The following FOXP1 variants were observed in gnomAD, a reference collection of about 807,000 sequenced individuals.
FOXP1 encodes forkhead box protein P1.
A neutral mutation model predicts 98.2 loss-of-function variants in FOXP1; 15 were observed. The observed-to-expected ratio is 0.15, with a 90% CI of 0.10 to 0.24. The LOEUF (loss-of-function observed/expected upper bound fraction) is 0.24, where lower values mean the gene tolerates loss of function less well. Ranked by LOEUF, FOXP1 falls within the 10% of genes least tolerant of loss-of-function variation. FOXP1 has a pLI of 1.00. For synonymous variants in FOXP1, 371 were observed against 314.5 expected, an observed-to-expected ratio of 1.18 and a Z score of -1.90; for missense variants, 633 against 848.5, an observed-to-expected ratio of 0.75 and a Z score of 3.15.
chr3:71,355,728 T>C (rs974320768), intron 4 of FOXP1, among the ~76,000 whole-genome samples: 3 of 152,160 alleles, frequency 2.0e-5, no homozygotes, highest in South Asian at 4.1e-4. Context: ...AGTACTACTA[T>C]AGGCTGGGGT....
chr3:70,972,216 CA>C, intron 18 of FOXP1: 1 of 1,489,940 alleles, frequency 6.7e-7, no homozygotes, highest in Admixed American at 2.4e-5. Context: ...GATGGAGTGG[CA>C]ACAAAAGGAG....
intron 2 of FOXP1, among the ~76,000 whole-genome samples, chr3:71,502,252 G>C (rs1046109157): frequency 3.3e-5 from 5 of 152,216 alleles, no homozygotes; most frequent in African/African-American, 1.2e-4. Context: ...CCTGCTAGCA[G>C]GGCAAGTGGC....
At chr3:71,325,523 G>A (rs983975004) in intron 4 of FOXP1, among the ~76,000 whole-genome samples, 16 of 152,070 alleles carry the variant, frequency 1.1e-4, no homozygotes, top group Admixed American at 9.8e-4. Flanking sequence ...TAAGAAAGAA[G>A]TCCTCTGAAG....
Position 70,955,528 on chromosome 3 carries a change from A to T in FOXP1, c.*3719T>A. The T allele has an allele frequency of 4.3e-6, 1 of 233,010 alleles. No homozygotes were observed. Among genetic ancestry groups the T allele is most frequent in the Admixed American group, 5.6e-5 (1 of 17,788 alleles). The allele number at this position is 233,010 out of a possible 1,614,324, so 14.4% of individuals were successfully genotyped here. On this transcript the variant is annotated 3_prime_UTR_variant, in exon 21 of 21. Coordinates refer to ENST00000649528, the MANE Select transcript of FOXP1 (RefSeq NM_001349338.3). ...CTAATGTATGCTTTTCTTTGAGAAAAAAAAAGTAACAGATTTTCTTTACAT... is the reference window on the plus strand; with the variant it reads ...CTAATGTATGCTTTTCTTTGAGAAATAAAAAGTAACAGATTTTCTTTACAT...
intron 14 of FOXP1, among the ~76,000 whole-genome samples, chr3:70,983,246 C>G (rs1033975350): frequency 1.3e-4 from 19 of 151,004 alleles, no homozygotes; most frequent in Admixed American, 1.1e-3. Context: ...GGCAGGGATA[C>G]TAAAAGCAAA....
At chr3:71,418,762 C>T (rs1019295690) in intron 3 of FOXP1, among the ~76,000 whole-genome samples, 1 of 152,014 alleles carries the variant, frequency 6.6e-6, no homozygotes, top group Non-Finnish European at 1.5e-5. Context: ...CATTTGAGAC[C>T]AATACCACTG....
At chr3:71,053,528 C>A in intron 8 of FOXP1, 108 bp downstream of exon 8, 1 of 1,410,908 alleles carries the variant, frequency 7.1e-7, no homozygotes, top group Non-Finnish European at 9.9e-7. Flanking sequence ...CTGCTTTACT[C>A]TTCACTGAGC....
chr3:71,012,676 A>G (rs1014211157), intron 12 of FOXP1, among the ~76,000 whole-genome samples: 9 of 152,140 alleles, frequency 5.9e-5, no homozygotes, highest in African/African-American at 2.2e-4. Flanking sequence ...CTTTATTACA[A>G]TATTTGTATC....
At chr3:71,370,170 TCCATGACA>T (rs2079195509) in intron 3 of FOXP1, among the ~76,000 whole-genome samples, 2 of 152,134 alleles carry the variant, frequency 1.3e-5, no homozygotes, top group African/African-American at 4.8e-5. Flanking sequence ...TCTGCCTTCT[TCCATGACA>T]CTAAAAACAT....
At chr3:71,404,124 T>TTTG (rs1553873665) in intron 3 of FOXP1, among the ~76,000 whole-genome samples, 2 of 112,784 alleles carry the variant, frequency 1.8e-5, no homozygotes, top group African/African-American at 3.2e-5. Context: ...CTTTTTCTTT[T>TTTG]TTTTTTTTTT....
At chr3:71,169,114 C>T (rs1222625519) in intron 6 of FOXP1, among the ~76,000 whole-genome samples, 1 of 152,126 alleles carries the variant, frequency 6.6e-6, no homozygotes, top group Non-Finnish European at 1.5e-5. Context: ...TAGATACCTG[C>T]TCATAAACTG....
chr3:70,980,676 C>T (rs1182812227), intron 14 of FOXP1, among the ~76,000 whole-genome samples: 4 of 152,162 alleles, frequency 2.6e-5, no homozygotes, highest in African/African-American at 9.7e-5. Flanking sequence ...GAAAAGATTC[C>T]GTGCAGAGCA....
At chr3:70,980,010 G>A (rs371345419) in intron 14 of FOXP1, among the ~76,000 whole-genome samples, 27 of 152,238 alleles carry the variant, frequency 1.8e-4, no homozygotes, top group African/African-American at 6.3e-4. Context: ...CAATGCCTGC[G>A]AAGAGCAAGC....
At chr3:71,463,999 C>A (rs1270700245) in intron 3 of FOXP1, among the ~76,000 whole-genome samples, 1 of 152,218 alleles carries the variant, frequency 6.6e-6, no homozygotes, top group Non-Finnish European at 1.5e-5. Context: ...AGAAAACAGG[C>A]TACACATGGT....
At chr3:71,369,842 C>G (rs2079174964) in intron 3 of FOXP1, among the ~76,000 whole-genome samples, 2 of 152,192 alleles carry the variant, frequency 1.3e-5, no homozygotes, top group South Asian at 4.1e-4. Flanking sequence ...ATGCCAGACA[C>G]TATGTTTGAA....
At chr3:71,182,395 C>T (rs974871841) in intron 6 of FOXP1, among the ~76,000 whole-genome samples, 4 of 151,650 alleles carry the variant, frequency 2.6e-5, no homozygotes, top group Non-Finnish European at 5.9e-5. Context: ...AGTTTTCCAA[C>T]AGTGTGAATG....
intron 12 of FOXP1, among the ~76,000 whole-genome samples, chr3:71,008,956 AGATGG>A (rs1224804472): frequency 6.6e-6 from 1 of 152,044 alleles, no homozygotes; most frequent in African/African-American, 2.4e-5. Context: ...CAGTATTGAC[AGATGG>A]GATTTTTATC....
chr3:71,537,056 G>C (rs893472367), intron 2 of FOXP1, among the ~76,000 whole-genome samples: 2 of 152,184 alleles, frequency 1.3e-5, no homozygotes, highest in Non-Finnish European at 2.9e-5. Flanking sequence ...CTGAGGCCAA[G>C]CGAGCCAGCG....
At position 70,955,717 on chromosome 3, in the gene FOXP1, ATTTTT is replaced by A. The variant is rs923809339; in HGVS notation, c.*3525_*3529del. On this transcript the variant is annotated 3_prime_UTR_variant, in exon 21 of 21. Transcript: ENST00000649528. ...CAGGAGAAAACATTTTTTAAACAAC[ATTTTT>A]TTTTCTTTTCAAATGTATGAACTTG... The A allele has an allele frequency of 9.5e-5, 22 of 231,760 alleles. No individual in the cohort carries two copies. Among genetic ancestry groups the A allele is most frequent in the Middle Eastern group, 1.3e-3 (1 of 784 alleles). The allele number at this position is 231,760 out of a possible 1,614,324, so 14.4% of individuals were successfully genotyped here. A position where few individuals can be genotyped will look rare whatever the true frequency, so the allele number is the denominator to read the frequency against.
Sources: gnomAD v4.1 joint callset for allele counts (sites outside exome capture counted in the v4.1 genomes callset) on GRCh38, gnomAD v4.1.1 for gene constraint, MANE v1.5 for transcripts, NCBI Gene and HGNC (gene_info 2026-07-23, HGNC 2026-07-21) for gene names.